The following CUEDC1 variants were observed in gnomAD, a reference collection of about 807,000 sequenced individuals.
The protein encoded by CUEDC1 is CUE domain-containing protein 1.
In CUEDC1, 30 loss-of-function variants were observed where a neutral mutation model predicts 43.7. The ratio of observed to expected loss-of-function variants is 0.69; its 90% CI spans 0.51 to 0.93. The LOEUF is 0.93. Ranked by LOEUF, CUEDC1 falls within the 40% of genes least tolerant of loss-of-function variation. CUEDC1 has a pLI of 0.00. For missense variants in CUEDC1, 486 were observed against 549.0 expected (o/e 0.89, Z 1.15); for synonymous variants, 223 against 223.6 (o/e 1.00, Z 0.02).
chr17:57,922,978 C>T lies in CUEDC1; in HGVS notation c.-316+32247G>A, dbSNP rs908726751. Among the ~76,000 whole-genome samples, 9 of 151,918 alleles carry T rather than the reference C, an allele frequency of 5.9e-5. No individual in the cohort carries two copies. In the East Asian group the frequency reaches 7.7e-4, roughly 13 times the overall value. On this transcript the variant is annotated intron_variant, in intron 1 of 10. Transcript: ENST00000577830. ...GCAGCCTTGACCTCCAGGGCTCAAGCGATTTTCCCACCTCATTTTTTGATT... is the reference window on the plus strand; with the variant it reads ...GCAGCCTTGACCTCCAGGGCTCAAGTGATTTTCCCACCTCATTTTTTGATT...
At chr17:57,879,854 T>C (rs1050355282) in intron 2 of CUEDC1, 116 bp from the exon 3 acceptor site, 17 of 1,055,624 alleles carry the variant, frequency 1.6e-5, no homozygotes, top group Non-Finnish European at 2.2e-5. Flanking sequence ...TGTGTGTTGC[T>C]AGTGGGAGTG....
intron 1 of CUEDC1, among the ~76,000 whole-genome samples, chr17:57,919,336 T>A (rs1309574625): frequency 6.6e-6 from 1 of 151,868 alleles, no homozygotes; most frequent in Non-Finnish European, 1.5e-5. Flanking sequence ...GGCACCACCA[T>A]GCCTGGCTAA....
rs927292263 is a variant in CUEDC1, at chr17:57,930,127, C to T, written c.-316+25098G>A. 2.0e-5 allele frequency among the ~76,000 whole-genome samples: 3 copies of T among 152,130 alleles called. No homozygotes were observed. Among genetic ancestry groups the T allele is most frequent in the African/African-American group, 4.8e-5 (2 of 41,430 alleles). Reference sequence around the variant, plus strand: ...CACTTCTCAGACTTTAATGTGCACACGAACCACTGGGGACCTTGTTAAAAT... The same window carrying T: ...CACTTCTCAGACTTTAATGTGCACATGAACCACTGGGGACCTTGTTAAAAT... On this transcript the variant is annotated intron_variant, in intron 1 of 10. Transcript: ENST00000577830. This position sits in a 1 kb window ranked among gnomAD's most constrained non-coding sequence, Gnocchi z 4.2.
At chr17:57,876,444 GC>G (rs1014039463) in intron 3 of CUEDC1, among the ~76,000 whole-genome samples, 11 of 152,112 alleles carry the variant, frequency 7.2e-5, no homozygotes, top group African/African-American at 2.7e-4. Flanking sequence ...AGCCTTCCCT[GC>G]CCCCGTGTCT....
rs768881130 is a variant in CUEDC1 at position 57,868,186 on chromosome 17, C to G, written c.998G>C (p.Arg333Thr). The change falls in exon 8 of 11, where the codon AGG becomes ACG. Residue 333 changes from arginine (R) to threonine (T), a missense_variant. By Grantham distance (71) the Arg-to-Thr change is moderately conservative. Transcript: ENST00000577830. ...CAACAAGTGTTTCCTCTTTGACTTC[C>G]TCATTTTGGTCTTCTCTGAGAAGGC... ...ARAFSEKTKMRKSKRKHLLKH... is the reference protein window; with the variant it reads ...ARAFSEKTKMTKSKRKHLLKH... The G allele has an allele frequency of 1.5e-5, 25 of 1,614,114 alleles. No homozygotes were observed. Among genetic ancestry groups the G allele is most frequent in the Non-Finnish European group, 1.9e-5 (23 of 1,180,044 alleles).
chr17:57,893,374 T>TGTGTGTGTGTG (rs397762963), intron 1 of CUEDC1, among the ~76,000 whole-genome samples: 1 of 151,844 alleles, frequency 6.6e-6, no homozygotes, highest in Non-Finnish European at 1.5e-5. Flanking sequence ...TGTGTGTGTG[T>TGTGTGTGTGTG]TTCAGGCAGC....
intron 2 of CUEDC1, among the ~76,000 whole-genome samples, chr17:57,880,387 C>A (rs1015889751): frequency 6.6e-6 from 1 of 152,180 alleles, no homozygotes; most frequent in African/African-American, 2.4e-5. Context: ...AAAAGCCACA[C>A]GCTTTTTAGA....
At chr17:57,940,144 T>C (rs1423239375) in intron 1 of CUEDC1, among the ~76,000 whole-genome samples, 1 of 151,826 alleles carries the variant, frequency 6.6e-6, no homozygotes, top group East Asian at 1.9e-4. Flanking sequence ...AGTCAACATG[T>C]AATAAAGGAG....
chr17:57,936,075 G>T (rs2143182406), intron 1 of CUEDC1, among the ~76,000 whole-genome samples: 1 of 152,314 alleles, frequency 6.6e-6, no homozygotes, highest in African/African-American at 2.4e-5. Context: ...CAGCATCAGG[G>T]GAGGCCAGAC....
At chr17:57,909,200 C>A (rs186697086) in intron 1 of CUEDC1, among the ~76,000 whole-genome samples, 137 of 152,140 alleles carry the variant, frequency 9.0e-4, no homozygotes, top group Non-Finnish European at 1.3e-3. Context: ...GGTTTCACCA[C>A]GTTGGCCAGG....
chr17:57,952,214 TTTTA>T (rs574042792), intron 1 of CUEDC1, among the ~76,000 whole-genome samples: 315 of 151,800 alleles, frequency 2.1e-3, no homozygotes, highest in African/African-American at 6.7e-3. Flanking sequence ...TTTTATTTTA[TTTTA>T]TTTATTTATT....
chr17:57,919,898 G>A (rs2074682720), intron 1 of CUEDC1, among the ~76,000 whole-genome samples: 3 of 152,288 alleles, frequency 2.0e-5, no homozygotes, highest in South Asian at 2.1e-4. Flanking sequence ...ACCAGCAAGC[G>A]TTTTCTGTTT....
intron 1 of CUEDC1, among the ~76,000 whole-genome samples, chr17:57,919,970 G>T (rs772677909): frequency 6.6e-6 from 1 of 152,126 alleles, no homozygotes; most frequent in African/African-American, 2.4e-5. Context: ...TTTATCGAGC[G>T]CTCACTATGT....
chr17:57,893,349 A>ATGTGTGTGTGTGTGTGTGTGTGTGTG (rs147335365), intron 1 of CUEDC1, among the ~76,000 whole-genome samples: 6,637 of 148,080 alleles, frequency 0.045, 234 homozygotes, highest in Non-Finnish European at 0.065. Context: ...CTCTCAGGGT[A>ATGTGTGTGTGTGTGTGTGTGTGTGTG]TGTGTGTGTG....
In CUEDC1 at chr17:57,885,758, G is replaced by T; in HGVS notation, c.-194C>A. 1 of 867,460 alleles carries T rather than the reference G, an allele frequency of 1.2e-6. No individual in the cohort carries two copies. The highest frequency in any genetic ancestry group is 1.5e-6 in the Non-Finnish European group (1 of 650,588). 53.7% of individuals were successfully genotyped at this position (867,460 alleles called of 1,614,324 possible). ...GGAGAGTACGGGCGCGGGGCCCCAG[G>T]CAGCCCTTGGAGAGCGGTCCTCGCG... is the stretch of plus-strand genomic sequence containing the variant. On this transcript the variant is annotated 5_prime_UTR_variant, in exon 2 of 11. Transcript: ENST00000577830.
intron 1 of CUEDC1, among the ~76,000 whole-genome samples, chr17:57,908,653 G>A (rs1446976586): frequency 6.6e-6 from 1 of 152,200 alleles, no homozygotes; most frequent in Non-Finnish European, 1.5e-5. Flanking sequence ...GTGGCTGTGT[G>A]TGTGCATTTG....
intron 3 of CUEDC1, among the ~76,000 whole-genome samples, chr17:57,876,213 C>T (rs2074123927): frequency 6.6e-6 from 1 of 152,122 alleles, no homozygotes; most frequent in Admixed American, 6.5e-5. Flanking sequence ...CAAGAGAAGA[C>T]GGAAGCTCCC....
chr17:57,954,459 G>A lies in CUEDC1; in HGVS notation c.-316+766C>T, dbSNP rs948267386. Reference sequence around the variant, plus strand: ...ACTTTTTTTAAGGGGAAAAGAAATGGGCAGGGCAGTGCTGGGTGTAAGGCG... The same window carrying A: ...ACTTTTTTTAAGGGGAAAAGAAATGAGCAGGGCAGTGCTGGGTGTAAGGCG... On this transcript the variant is annotated intron_variant, in intron 1 of 10. Coordinates refer to ENST00000577830, the MANE Select transcript of CUEDC1 (RefSeq NM_001271875.2). The surrounding 1 kb of genome is among the most constrained non-coding windows in gnomAD (Gnocchi z 4.3). 5.3e-5 allele frequency among the ~76,000 whole-genome samples: 8 copies of A among 152,282 alleles called. No homozygotes were observed. The South Asian group carries it at 1.7e-3, about 32-fold the overall frequency.
intron 10 of CUEDC1, among the ~76,000 whole-genome samples, chr17:57,865,817 CTTTTTCT>C (rs2073948330): frequency 7.6e-6 from 1 of 132,136 alleles, no homozygotes; most frequent in South Asian, 2.4e-4. Context: ...CTCAGTTTTT[CTTTTTCT>C]TTTTTTTTTT....
Sources: gnomAD v4.1 joint callset for allele counts (sites outside exome capture counted in the v4.1 genomes callset) on GRCh38, gnomAD v4.1.1 for gene constraint, Gnocchi (gnomAD v3.1) non-coding constraint, MANE v1.5 for transcripts, NCBI Gene and HGNC (gene_info 2026-07-23, HGNC 2026-07-21) for gene names.